RAP2A: variants seen among roughly 807,000 people sequenced by gnomAD.
RAP2A encodes the protein RAP2A, member of RAS oncogene family, also known as ras-related protein Rap-2a.
RAP2A carries 5 observed loss-of-function variants against 15.1 expected under a neutral mutation model. The observed-to-expected ratio is 0.33, with a 90% CI of 0.17 to 0.70. RAP2A has a LOEUF of 0.70. Among genes scored for constraint, RAP2A ranks in the 30% least tolerant of loss-of-function variants. The probability of loss-of-function intolerance (pLI) is 0.68; values close to 1 mark genes in which losing one functional copy is unlikely to be tolerated. For synonymous variants in RAP2A, 110 were observed against 99.7 expected (o/e 1.10, Z -0.62); for missense variants, 111 against 240.3 (o/e 0.46, Z 3.56).
intron 1 of RAP2A, chr13:97,441,724 A>C (rs1480482006): frequency 6.9e-6 from 3 of 432,396 alleles, no homozygotes; most frequent in Non-Finnish European, 1.4e-5. Context: ...GTTTCTCTCC[A>C]TCTATTCTTA....
In RAP2A at chr13:97,464,196, C is replaced by A; in HGVS notation, c.315-9C>A. 1.2e-6 allele frequency: 2 copies of A among 1,611,208 alleles called. No individual in the cohort carries two copies. The highest frequency in any genetic ancestry group is 4.5e-5 in the East Asian group (2 of 44,836). On this transcript the variant is annotated splice_polypyrimidine_tract_variant and intron_variant, in intron 1 of 1. Transcript: ENST00000245304. ...ACAATGTATGTGTGTTTTGTTTATT[C>A]TCTCATAGGTATGAGAAAGTGCCAG...
At chr13:97,459,782 AAC>A (rs751874373) in intron 1 of RAP2A, among the ~76,000 whole-genome samples, 1 of 152,140 alleles carries the variant, frequency 6.6e-6, no homozygotes, top group African/African-American at 2.4e-5. Flanking sequence ...CATTGCACTT[AAC>A]ACTTTTATTG....
At chr13:97,444,190 C>G (rs1156561356) in intron 1 of RAP2A, among the ~76,000 whole-genome samples, 5 of 152,090 alleles carry the variant, frequency 3.3e-5, no homozygotes, top group Non-Finnish European at 7.4e-5. Flanking sequence ...TAGCATAGAC[C>G]TTGAGTGCTT....
intron 1 of RAP2A, among the ~76,000 whole-genome samples, chr13:97,461,978 A>G (rs2066748375): frequency 6.9e-6 from 1 of 144,068 alleles, no homozygotes; most frequent in Non-Finnish European, 1.5e-5. Context: ...AAAAATATAT[A>G]TATATATATA....
chr13:97,460,508 T>A (rs139413326), intron 1 of RAP2A, among the ~76,000 whole-genome samples: 247 of 152,318 alleles, frequency 1.6e-3, no homozygotes, highest in African/African-American at 5.7e-3. Flanking sequence ...AGTCCTAGTC[T>A]GTTTGGTTTC....
intron 1 of RAP2A, among the ~76,000 whole-genome samples, chr13:97,460,557 C>G (rs2066741932): frequency 6.6e-6 from 1 of 152,074 alleles, no homozygotes; most frequent in Non-Finnish European, 1.5e-5. Flanking sequence ...AAACAGATAG[C>G]AACACCAGCT....
intron 1 of RAP2A, among the ~76,000 whole-genome samples, chr13:97,448,330 C>T (rs564602047): frequency 2.3e-4 from 35 of 152,198 alleles, no homozygotes; most frequent in African/African-American, 8.4e-4. Flanking sequence ...TACTAACAGA[C>T]GATTTGAGAG....
chr13:97,452,219 G>A (rs1302421565), intron 1 of RAP2A, among the ~76,000 whole-genome samples: 4 of 151,056 alleles, frequency 2.6e-5, no homozygotes, highest in East Asian at 3.9e-4. Flanking sequence ...AGGTTCTGAG[G>A]ATCCATTCTG....
At chr13:97,449,887 G>A (rs1325424344) in intron 1 of RAP2A, among the ~76,000 whole-genome samples, 3 of 151,864 alleles carry the variant, frequency 2.0e-5, no homozygotes, top group Admixed American at 6.6e-5. Context: ...TTATTGCTGG[G>A]CAGAAGAAAT....
chr13:97,450,348 A>C (rs959054267), intron 1 of RAP2A, among the ~76,000 whole-genome samples: 12 of 152,170 alleles, frequency 7.9e-5, no homozygotes, highest in Admixed American at 7.9e-4. Context: ...TAATCTTTTC[A>C]AGTACAATAG....
intron 1 of RAP2A, among the ~76,000 whole-genome samples, chr13:97,461,861 A>G (rs886067023): frequency 7.3e-5 from 11 of 151,052 alleles, no homozygotes; most frequent in Non-Finnish European, 1.5e-4. Flanking sequence ...TACTCAGGAG[A>G]CTGAGGCAAG....
rs1555326903 is a variant in RAP2A at position 97,461,971 on chromosome 13, A to ATATAT, written c.315-2234_315-2233insTATAT. On this transcript the variant is annotated intron_variant, in intron 1 of 1. Coordinates refer to ENST00000245304, the MANE Select transcript of RAP2A (RefSeq NM_021033.7). ...GAGCGAGACTCCGTCTCAAAAAAAA[A>ATATAT]ATATATATATATATATATTTATATA... is the stretch of plus-strand genomic sequence containing the variant. Among the ~76,000 whole-genome samples, 6 of 142,054 alleles carry ATATAT rather than the reference A, an allele frequency of 4.2e-5. No homozygotes were observed. In the East Asian group the frequency reaches 1.2e-3, roughly 29 times the overall value. 93.2% of individuals were successfully genotyped at this position (142,054 alleles called of 152,430 possible). A position where few individuals can be genotyped will look rare whatever the true frequency, so the allele number is the denominator to read the frequency against.
intron 1 of RAP2A, among the ~76,000 whole-genome samples, chr13:97,439,904 T>A (rs919479465): frequency 1.3e-5 from 2 of 152,112 alleles, no homozygotes; most frequent in Admixed American, 6.5e-5. Context: ...TGTTTTTTTT[T>A]AAGATTATTA....
chr13:97,435,797 TGTTA>T (rs1392311583), intron 1 of RAP2A: 7 of 152,230 alleles, frequency 4.6e-5, no homozygotes, highest in Non-Finnish European at 8.8e-5. Context: ...ATCTAGTTCT[TGTTA>T]GTTAATGCCT....
intron 1 of RAP2A, among the ~76,000 whole-genome samples, chr13:97,459,542 C>G (rs1305836277): frequency 6.6e-6 from 1 of 152,172 alleles, no homozygotes; most frequent in African/African-American, 2.4e-5. Flanking sequence ...GAGATGGATC[C>G]CACAGCTGGT....
intron 1 of RAP2A, among the ~76,000 whole-genome samples, chr13:97,463,243 C>T (rs2066755936): frequency 1.3e-5 from 2 of 152,190 alleles, no homozygotes; most frequent in Non-Finnish European, 1.5e-5. Flanking sequence ...TGCAGTCCAG[C>T]ACCAGTGTTG....
chr13:97,464,484 G>C lies in RAP2A; in HGVS notation c.*42G>C. 1 of 1,584,200 alleles carries C rather than the reference G, an allele frequency of 6.3e-7. No individual in the cohort carries two copies. The highest frequency in any genetic ancestry group is 1.3e-5 in the African/African-American group (1 of 74,336). On this transcript the variant is annotated 3_prime_UTR_variant, in exon 2 of 2. Coordinates refer to ENST00000245304, the MANE Select transcript of RAP2A (RefSeq NM_021033.7). ...TCCTGGATGGGATTTGCCCAATGTCGTAGGTGATAGAAAACTCGCCTACTC... is the reference window on the plus strand; with the variant it reads ...TCCTGGATGGGATTTGCCCAATGTCCTAGGTGATAGAAAACTCGCCTACTC...
chr13:97,439,826 G>A (rs901828732), intron 1 of RAP2A, among the ~76,000 whole-genome samples: 4 of 152,160 alleles, frequency 2.6e-5, no homozygotes, highest in East Asian at 1.9e-4. Context: ...TGCAGTAGGC[G>A]AGAAGGCGTG....
Position 97,434,719 on chromosome 13 carries a change from C to G in RAP2A, c.249C>G (p.Ser83Arg). ...GCCAGGGCTTCATCCTCGTCTACAG[C>G]CTCGTCAACCAGCAGAGCTTCCAGG... Reference protein sequence around the residue: ...KNGQGFILVYSLVNQQSFQDI... With the variant: ...KNGQGFILVYRLVNQQSFQDI... Residue 83 changes from serine to arginine, a missense_variant, in exon 1 of 2, where the codon AGC becomes AGG. By Grantham distance (110) the Ser-to-Arg change is moderately radical (BLOSUM62 -1). Transcript: ENST00000245304. 6.2e-7 allele frequency: 1 copy of G among 1,614,178 alleles called. No individual in the cohort carries two copies. Among genetic ancestry groups the G allele is most frequent in the Non-Finnish European group, 8.5e-7 (1 of 1,180,026 alleles).
Sources: allele counts gnomAD v4.1 joint callset (sites outside exome capture counted in the v4.1 genomes callset), GRCh38; gene constraint gnomAD v4.1.1; transcripts MANE v1.5; gene names NCBI Gene and HGNC (gene_info 2026-07-23, HGNC 2026-07-21).